POR: variants seen among roughly 807,000 people sequenced by gnomAD.
POR encodes NADPH--cytochrome P450 reductase.
In POR, 56 loss-of-function variants were observed where a neutral mutation model predicts 84.0. The ratio of observed to expected loss-of-function variants is 0.67; its 90% CI spans 0.54 to 0.83. The LOEUF is 0.83. Among genes scored for constraint, POR ranks in the 40% least tolerant of loss-of-function variants. The probability of loss-of-function intolerance (pLI) is 0.00; values close to 1 mark genes in which losing one functional copy is unlikely to be tolerated. For synonymous variants in POR, 414 were observed against 400.5 expected (o/e 1.03, Z -0.40); for missense variants, 938 against 944.3 (o/e 0.99, Z 0.09).
chr7:75,930,610 C>T (rs567781406), intron 1 of POR, among the ~76,000 whole-genome samples: 1 of 151,144 alleles, frequency 6.6e-6, no homozygotes, highest in African/African-American at 2.4e-5. Context: ...GCAGCCTCCA[C>T]CTCCCGGGTT....
chr7:75,985,510 C>T (rs1789383138), intron 12 of POR, 69 bp from the exon 13 acceptor site: 42 of 1,444,168 alleles, frequency 2.9e-5, no homozygotes, highest in Middle Eastern at 2.3e-4. Context: ...GCCTGCAGAA[C>T]GGGACTTGGG....
chr7:75,956,477 C>A (rs1300963423), intron 2 of POR, among the ~76,000 whole-genome samples: 4 of 152,172 alleles, frequency 2.6e-5, no homozygotes, highest in Non-Finnish European at 5.9e-5. Flanking sequence ...GGTGAGTGAA[C>A]CCTGGGCGAG....
intron 2 of POR, 54 bp downstream of exon 2, chr7:75,954,234 A>G: frequency 6.6e-7 from 1 of 1,511,852 alleles, no homozygotes. Flanking sequence ...CACCACTCCA[A>G]GCAGTGTCCT....
In POR at chr7:75,979,512, G is replaced by A. The variant is rs1554557311; in HGVS notation, c.299G>A (p.Arg100His). 9.9e-6 allele frequency: 16 copies of A among 1,613,342 alleles called. No individual in the cohort carries two copies. The highest frequency in any genetic ancestry group is 1.3e-5 in the African/African-American group (1 of 74,892). ...GGGACTGCAGAGGAGTTTGCCAACC[G>A]CCTGTCCAAGGACGCCCACCGCTAC... Residue 100 changes from arginine to histidine, a missense_variant, in exon 4 of 16, where the codon CGC becomes CAC. Physicochemically the swap from Arg to His is conservative, Grantham distance 29. Transcript: ENST00000461988.
In POR at chr7:75,923,315, G is replaced by A; in HGVS notation, c.-5+8136G>A. ...GGAAGCATTTCCAGGAGATCTCATG[G>A]TTCTTGTCCCCTTTCCACCTCTCAG... On this transcript the variant is annotated intron_variant, in intron 1 of 15. Coordinates refer to ENST00000461988, the MANE Select transcript of POR (RefSeq NM_000941.3). 3 of 1,164,154 alleles carry A rather than the reference G, an allele frequency of 2.6e-6. No individual in the cohort carries two copies. In the South Asian group the frequency reaches 3.6e-5, roughly 14 times the overall value. 72.1% of individuals were successfully genotyped at this position (1,164,154 alleles called of 1,614,324 possible). A position where few individuals can be genotyped will look rare whatever the true frequency, so the allele number is the denominator to read the frequency against.
At chr7:75,962,805 A>G (rs782772322) in intron 2 of POR, among the ~76,000 whole-genome samples, 3 of 152,054 alleles carry the variant, frequency 2.0e-5, no homozygotes, top group Non-Finnish European at 4.4e-5. Context: ...GTAGTTTAAC[A>G]TTTTCCAAAG....
chr7:75,952,325 C>T (rs1162227814), intron 1 of POR, among the ~76,000 whole-genome samples: 1 of 137,180 alleles, frequency 7.3e-6, no homozygotes, highest in East Asian at 2.2e-4. Context: ...GGCGGCTGGC[C>T]GGGCAAAGGG....
chr7:75,923,300 C>T, intron 1 of POR: 1 of 1,209,070 alleles, frequency 8.3e-7, no homozygotes, highest in Non-Finnish European at 1.2e-6. Flanking sequence ...GGAAGCATTT[C>T]CAGGAGATCT....
intron 1 of POR, among the ~76,000 whole-genome samples, chr7:75,951,578 A>T (rs1171765318): frequency 6.6e-6 from 1 of 152,252 alleles, no homozygotes; most frequent in East Asian, 1.9e-4. Context: ...CTGGCTTCCC[A>T]GACCAGCCCC....
intron 1 of POR, chr7:75,922,794 G>GA (rs1309647579): frequency 2.2e-6 from 1 of 463,984 alleles, no homozygotes; most frequent in Admixed American, 3.2e-5. Context: ...TTTGGCTCCA[G>GA]AAAATCTCCT....
rs1807549161 is a variant in POR, at chr7:75,934,013, A to C, written c.-5+18834A>C. Among the ~76,000 whole-genome samples the C allele has an allele frequency of 2.0e-5, 3 of 151,854 alleles. No individual in the cohort carries two copies. In the South Asian group the frequency reaches 6.2e-4, roughly 32 times the overall value. On this transcript the variant is annotated intron_variant, in intron 1 of 15. Coordinates refer to ENST00000461988, the MANE Select transcript of POR (RefSeq NM_000941.3). ...CAAAATACAGTGATCAATAGCAGGAAATTAACATTGATATCCTGTGTTGTC... is the reference window on the plus strand; with the variant it reads ...CAAAATACAGTGATCAATAGCAGGACATTAACATTGATATCCTGTGTTGTC...
rs138547101 is a variant in POR at position 75,932,748 on chromosome 7, G to A, written c.-5+17569G>A. On this transcript the variant is annotated intron_variant, in intron 1 of 15. Coordinates refer to ENST00000461988, the MANE Select transcript of POR (RefSeq NM_000941.3). ...TCATGTTAAAAACATGGGCGGGCAC[G>A]GTGGCTCACACCTGTAATCCCAGCA... Among the ~76,000 whole-genome samples, 870 of 152,144 alleles carry A rather than the reference G, an allele frequency of 5.7e-3. 7 individuals carry two copies. Among genetic ancestry groups the A allele is most frequent in the African/African-American group, 8.4e-3 (348 of 41,506 alleles).
intron 1 of POR, among the ~76,000 whole-genome samples, chr7:75,948,155 G>A (rs1362601572): frequency 3.3e-5 from 5 of 152,172 alleles, no homozygotes; most frequent in Non-Finnish European, 7.3e-5. Flanking sequence ...CCTGTTTCTC[G>A]TTTTGCCCGA....
At chr7:75,963,077 A>T (rs1419748167) in intron 2 of POR, among the ~76,000 whole-genome samples, 3 of 152,190 alleles carry the variant, frequency 2.0e-5, no homozygotes, top group Admixed American at 6.5e-5. Context: ...CCGGGAGGCC[A>T]GGGGTCAGGG....
intron 1 of POR, among the ~76,000 whole-genome samples, chr7:75,920,408 G>A (rs984274994): frequency 5.3e-5 from 8 of 152,148 alleles, no homozygotes; most frequent in African/African-American, 1.9e-4. Flanking sequence ...TTTGGTAGGA[G>A]AATAGAAGGG....
chr7:75,964,496 C>T (rs1554554948), intron 2 of POR, among the ~76,000 whole-genome samples: 2 of 151,478 alleles, frequency 1.3e-5, no homozygotes, highest in Admixed American at 1.3e-4. Flanking sequence ...TTAGTAGAGA[C>T]GGGGTTTCAC....
At chr7:75,977,881 C>T (rs1201981911) in intron 3 of POR, among the ~76,000 whole-genome samples, 1 of 152,212 alleles carries the variant, frequency 6.6e-6, no homozygotes, top group Non-Finnish European at 1.5e-5. Context: ...GCCAGGAAGC[C>T]TTGGCCTCCC....
At chr7:75,973,084 A>G (rs1032886046) in intron 3 of POR, among the ~76,000 whole-genome samples, 1 of 152,080 alleles carries the variant, frequency 6.6e-6, no homozygotes, top group Admixed American at 6.5e-5. Context: ...CAGCCTCCCA[A>G]AGTGCTGGGA....
chr7:75,923,408 G>GGT lies in POR; in HGVS notation c.-5+8235_-5+8236dup, dbSNP rs1433647450. On this transcript the variant is annotated intron_variant, in intron 1 of 15. Transcript: ENST00000461988. The stretch of plus-strand genomic sequence containing the variant: ...ATTGGCACACCTCCATCTTCTTGGG[G>GGT]GTGTGTGCATCAATCAGCTCATCCG... The GGT allele has an allele frequency of 4.3e-6, 3 of 689,690 alleles. No homozygotes were observed. The African/African-American group carries it at 5.3e-5, about 12-fold the overall frequency. The allele number at this position is 689,690 out of a possible 1,614,324, so 42.7% of individuals were successfully genotyped here.
Sources: allele counts gnomAD v4.1 joint callset (sites outside exome capture counted in the v4.1 genomes callset), GRCh38; gene constraint gnomAD v4.1.1; transcripts MANE v1.5; gene names NCBI Gene and HGNC (gene_info 2026-07-23, HGNC 2026-07-21).